Variants in VWA8 observed in about 807,000 individuals in gnomAD.
The protein encoded by VWA8 is von Willebrand factor A domain containing 8, also known as von Willebrand factor A domain-containing protein 8.
A neutral mutation model predicts 241.5 loss-of-function variants in VWA8; 221 were observed. The observed-to-expected ratio is 0.91, with a 90% CI of 0.82 to 1.02. The LOEUF (loss-of-function observed/expected upper bound fraction) is 1.02, where lower values mean the gene tolerates loss of function less well. Among genes scored for constraint, VWA8 ranks in the 50% least tolerant of loss-of-function variants. The probability of loss-of-function intolerance (pLI) is 0.00; values close to 1 mark genes in which losing one functional copy is unlikely to be tolerated. For synonymous variants in VWA8, 852 were observed against 827.1 expected, an observed-to-expected ratio of 1.03 and a Z score of -0.52; for missense variants, 2,322 against 2,328.7, an observed-to-expected ratio of 1.00 and a Z score of 0.06.
Position 41,689,357 on chromosome 13 carries a change from G to T in VWA8, c.4128C>A (p.Leu1376=). The change falls in exon 34 of 45, where the codon CTC becomes CTA. Residue 1376 remains leucine, a synonymous_variant. Coordinates refer to ENST00000379310, the MANE Select transcript of VWA8 (RefSeq NM_015058.2). ...YATIVVGFPD[L]MSPSEVYSWK... The stretch of plus-strand genomic sequence containing the variant: ...AATTTAAAAAATGGGTGCTTACCAT[G>T]AGATCTGGAAAACCAACAACTATTG... 1 of 1,608,708 alleles carries T rather than the reference G, an allele frequency of 6.2e-7. No homozygotes were observed. Among genetic ancestry groups the T allele is most frequent in the South Asian group, 1.1e-5 (1 of 90,302 alleles).
At chr13:41,804,816 T>C (rs1235322699) in intron 17 of VWA8, among the ~76,000 whole-genome samples, 2 of 152,098 alleles carry the variant, frequency 1.3e-5, no homozygotes, top group African/African-American at 4.8e-5. Context: ...TTCTCTTTAT[T>C]TACACAATCA....
At chr13:41,672,729 G>C (rs182445935) in intron 36 of VWA8, among the ~76,000 whole-genome samples, 385 of 152,280 alleles carry the variant, frequency 2.5e-3, no homozygotes, top group Middle Eastern at 6.8e-3. Flanking sequence ...TATGTTCTGA[G>C]CTACTTTACA....
At chr13:41,786,669 C>G (rs1333171935) in intron 18 of VWA8, among the ~76,000 whole-genome samples, 1 of 151,920 alleles carries the variant, frequency 6.6e-6, no homozygotes, top group Non-Finnish European at 1.5e-5. Flanking sequence ...TATAATTTGA[C>G]TCTAAAAAAA....
chr13:41,686,588 C>A (rs1312393425), intron 34 of VWA8, among the ~76,000 whole-genome samples: 2 of 152,022 alleles, frequency 1.3e-5, no homozygotes, highest in Admixed American at 6.6e-5. Context: ...AAAAATATAT[C>A]CAATTCCAAT....
intron 41 of VWA8, 46 bp from the exon 42 acceptor site, chr13:41,587,716 T>G: frequency 6.2e-7 from 1 of 1,606,630 alleles, no homozygotes; most frequent in Non-Finnish European, 8.5e-7. Flanking sequence ...CTGGCAAACT[T>G]CCCCTGGTGG....
At chr13:41,736,557 G>A (rs528531842) in intron 21 of VWA8, among the ~76,000 whole-genome samples, 4 of 152,062 alleles carry the variant, frequency 2.6e-5, no homozygotes, top group South Asian at 2.1e-4. Context: ...TCAAAATAGC[G>A]ATGTTTACTT....
At chr13:41,731,988 C>T (rs989036486) in intron 22 of VWA8, 92 bp downstream of exon 22, 24 of 1,077,068 alleles carry the variant, frequency 2.2e-5, no homozygotes, top group South Asian at 4.2e-5. Flanking sequence ...CAGACTAATA[C>T]GTAATCCATG....
chr13:41,709,123 G>T (rs1198301529), intron 26 of VWA8, among the ~76,000 whole-genome samples: 3 of 152,138 alleles, frequency 2.0e-5, no homozygotes, highest in Non-Finnish European at 4.4e-5. Context: ...TTCTCACAAG[G>T]ACTCACGGAA....
At chr13:41,587,803 C>T (rs1593633720) in intron 41 of VWA8, 133 bp from the exon 42 acceptor site, 1 of 1,040,576 alleles carries the variant, frequency 9.6e-7, no homozygotes, top group Middle Eastern at 3.2e-4. Flanking sequence ...CAGCCCTGCA[C>T]AAGGCTGTCC....
At chr13:41,851,969 T>C (rs933502638) in intron 12 of VWA8, among the ~76,000 whole-genome samples, 2 of 152,174 alleles carry the variant, frequency 1.3e-5, no homozygotes, top group Non-Finnish European at 2.9e-5. Context: ...TGCTGGATCA[T>C]GTGGTAGTTC....
At position 41,573,690 on chromosome 13, in the gene VWA8, T is replaced by G. The variant is rs147629722; in HGVS notation, c.5370+2050A>C. On this transcript the variant is annotated intron_variant, in intron 43 of 44. Transcript: ENST00000379310. ...GAGACCTCAGTGGCGTGATCTTGGT[T>G]CGCTGCAGCCTCTGCCTCCCGGGTT... is the stretch of plus-strand genomic sequence containing the variant. 6.1e-3 allele frequency among the ~76,000 whole-genome samples: 926 copies of G among 150,636 alleles called. 7 individuals are homozygous for G. Among genetic ancestry groups the G allele is most frequent in the Non-Finnish European group, 9.0e-3 (608 of 67,832 alleles).
chr13:41,896,605 GATT>G (rs1033879058), intron 4 of VWA8, among the ~76,000 whole-genome samples: 20 of 152,052 alleles, frequency 1.3e-4, no homozygotes, highest in African/African-American at 4.1e-4. Flanking sequence ...AATTTTTATA[GATT>G]ATTAAGAAAA....
chr13:41,627,016 T>C (rs1388056899), intron 37 of VWA8, among the ~76,000 whole-genome samples: 1 of 152,040 alleles, frequency 6.6e-6, no homozygotes, highest in African/African-American at 2.4e-5. Flanking sequence ...TTGCAAACTA[T>C]GCATCCAACA....
At chr13:41,944,660 GAA>G (rs1877766309) in intron 2 of VWA8, among the ~76,000 whole-genome samples, 1 of 152,126 alleles carries the variant, frequency 6.6e-6, no homozygotes, top group Non-Finnish European at 1.5e-5. Context: ...GGAAGTCACT[GAA>G]GTGAACAGAA....
intron 12 of VWA8, among the ~76,000 whole-genome samples, chr13:41,841,814 A>AT (rs1872044346): frequency 8.0e-5 from 2 of 24,856 alleles, no homozygotes; most frequent in African/African-American, 1.0e-4. Context: ...AAAAAAAAAA[A>AT]AAAAAAATAT....
intron 42 of VWA8, among the ~76,000 whole-genome samples, chr13:41,586,745 G>A (rs911389643): frequency 3.3e-5 from 5 of 152,180 alleles, no homozygotes; most frequent in Admixed American, 6.5e-5. Context: ...TGTTTGATCC[G>A]TAATAAAATC....
intron 21 of VWA8, among the ~76,000 whole-genome samples, chr13:41,742,352 T>C (rs1284819107): frequency 6.6e-6 from 1 of 152,172 alleles, no homozygotes; most frequent in Non-Finnish European, 1.5e-5. Context: ...AAGTAGGAAG[T>C]TCAAAGATAT....
At chr13:41,690,825 G>C (rs994012859) in intron 32 of VWA8, among the ~76,000 whole-genome samples, 5 of 152,062 alleles carry the variant, frequency 3.3e-5, no homozygotes, top group Admixed American at 2.6e-4. Context: ...AGTCGACACC[G>C]CCTTTCATCA....
rs945143247 is a variant in VWA8 at position 41,953,078 on chromosome 13, T to G, written c.164-3065A>C. Among the ~76,000 whole-genome samples, 15 of 151,858 alleles carry G rather than the reference T, an allele frequency of 9.9e-5. No homozygotes were observed. In the South Asian group the frequency reaches 1.0e-3, roughly 10 times the overall value. On this transcript the variant is annotated intron_variant, in intron 1 of 44. Coordinates refer to ENST00000379310, the MANE Select transcript of VWA8 (RefSeq NM_015058.2). ...AAGCAAAAACGGACAGAACTAAAAG[T>G]GGAAATAGAAAAATGCACAATCACA...
Sources: gnomAD v4.1 joint callset for allele counts (sites outside exome capture counted in the v4.1 genomes callset) on GRCh38, gnomAD v4.1.1 for gene constraint, MANE v1.5 for transcripts, NCBI Gene and HGNC (gene_info 2026-07-23, HGNC 2026-07-21) for gene names.